Variants in ZFAT observed in about 807,000 individuals in gnomAD.
ZFAT encodes zinc finger protein ZFAT.
A neutral mutation model predicts 117.7 loss-of-function variants in ZFAT; 64 were observed. That is an observed-to-expected ratio of 0.54 (90% confidence interval 0.44 to 0.67). The LOEUF is 0.67. Ranked by LOEUF, ZFAT falls within the 30% of genes least tolerant of loss-of-function variation. The probability of loss-of-function intolerance (pLI) is 0.00; values close to 1 mark genes in which losing one functional copy is unlikely to be tolerated. For synonymous variants in ZFAT, 679 were observed against 615.0 expected (o/e 1.10, Z -1.54); for missense variants, 1,433 against 1,584.5 (o/e 0.90, Z 1.62).
upstream of ZFAT, among the ~76,000 whole-genome samples, chr8:134,714,778 G>A (rs532250656): frequency 2.0e-5 from 3 of 151,968 alleles, no homozygotes; most frequent in African/African-American, 7.3e-5. Context: ...GAAGAGCCAG[G>A]TGTGGATCTC....
At chr8:134,590,438 T>C in intron 7 of ZFAT, 83 bp from the exon 8 acceptor site, 1 of 1,088,672 alleles carries the variant, frequency 9.2e-7, no homozygotes, top group East Asian at 2.4e-5. Flanking sequence ...ATCACCATCA[T>C]CACCCACCAC....
rs1052491270 is a variant in ZFAT at position 134,601,721 on chromosome 8, A to G, written c.1998T>C (p.Gly666=). The G allele has an allele frequency of 1.2e-6, 2 of 1,612,972 alleles. No homozygotes were observed. Among genetic ancestry groups the G allele is most frequent in the Admixed American group, 3.3e-5 (2 of 59,976 alleles). Residue 666 remains glycine, a synonymous_variant, in exon 6 of 16, where the codon GGT becomes GGC. Coordinates refer to ENST00000377838, the MANE Select transcript of ZFAT (RefSeq NM_020863.4). ...TGAGACACCTGCTGGGATCTGGGTC[A>G]CCAGCTGAAAGCACAGCCATGTTCT... ...EGQNMAVLSA[G]DPDPSRCLRS...
At chr8:134,704,262 C>G (rs1018858342) in intron 1 of ZFAT, among the ~76,000 whole-genome samples, 1 of 152,192 alleles carries the variant, frequency 6.6e-6, no homozygotes, top group South Asian at 2.1e-4. Context: ...GAAACAAAAA[C>G]AGGCAGAATT....
intron 12 of ZFAT, among the ~76,000 whole-genome samples, chr8:134,526,432 G>C (rs1220069701): frequency 6.6e-6 from 1 of 152,188 alleles, no homozygotes; most frequent in Non-Finnish European, 1.5e-5. Context: ...GTCAACGGAA[G>C]ACTTGGTGAA....
intron 15 of ZFAT, among the ~76,000 whole-genome samples, chr8:134,508,041 T>C (rs905263960): frequency 3.3e-5 from 5 of 152,208 alleles, no homozygotes; most frequent in African/African-American, 4.8e-5. Context: ...CCAACGCAGA[T>C]ACCAGGTTGC....
chr8:134,637,099 C>T (rs1216212672), intron 3 of ZFAT, among the ~76,000 whole-genome samples: 1 of 152,256 alleles, frequency 6.6e-6, no homozygotes, highest in African/African-American at 2.4e-5. Context: ...CATCAGAATG[C>T]TTTCTCCTGC....
chr8:134,753,386 A>G, the ZFAT span, among the ~76,000 whole-genome samples: 2 of 152,166 alleles, frequency 1.3e-5, no homozygotes, highest in Non-Finnish European at 2.9e-5. Context: ...AAAAAGGTGA[A>G]TTATAACTTA....
At chr8:134,821,889 A>C in the ZFAT span, among the ~76,000 whole-genome samples, 1 of 152,156 alleles carries the variant, frequency 6.6e-6, no homozygotes, top group African/African-American at 2.4e-5. Context: ...TTCTTTTCTA[A>C]TTAAATAACA....
At chr8:134,512,368 T>C (rs1186093922) in intron 14 of ZFAT, 107 bp downstream of exon 14, 1 of 1,486,504 alleles carries the variant, frequency 6.7e-7, no homozygotes, top group Non-Finnish European at 9.1e-7. Context: ...GGGTCAGGGA[T>C]TCGGAAGTAG....
At chr8:134,534,775 A>AAAAGAGAG (rs1821707210) in intron 11 of ZFAT, among the ~76,000 whole-genome samples, 1 of 136,344 alleles carries the variant, frequency 7.3e-6, no homozygotes, top group Non-Finnish European at 1.5e-5. Flanking sequence ...GAGAGGGAGA[A>AAAAGAGAG]AGAGAGAGAG....
intron 1 of ZFAT, among the ~76,000 whole-genome samples, chr8:134,677,700 A>C (rs578138131): frequency 4.6e-5 from 7 of 152,236 alleles, no homozygotes; most frequent in African/African-American, 1.7e-4. Flanking sequence ...AAAATTCTCA[A>C]TAAAATACTG....
intron 4 of ZFAT, 35 bp from the exon 5 acceptor site, chr8:134,608,914 G>A (rs748363696): frequency 5.7e-6 from 9 of 1,586,444 alleles, no homozygotes; most frequent in Non-Finnish European, 7.7e-6. Flanking sequence ...CTTATTGAGA[G>A]GCATCGAAAG....
chr8:134,621,520 C>T (rs1829103554), intron 3 of ZFAT, among the ~76,000 whole-genome samples: 1 of 152,064 alleles, frequency 6.6e-6, no homozygotes, highest in South Asian at 2.1e-4. Flanking sequence ...TGTGCTCTTC[C>T]AGAAAACAAG....
At chr8:134,691,555 C>A (rs147565698) in intron 1 of ZFAT, among the ~76,000 whole-genome samples, 3 of 152,266 alleles carry the variant, frequency 2.0e-5, no homozygotes, top group Non-Finnish European at 4.4e-5. Context: ...TAAGCAAGCA[C>A]CTGCTCGCTG....
At chr8:134,549,689 C>T (rs989514921) in intron 11 of ZFAT, among the ~76,000 whole-genome samples, 1 of 152,178 alleles carries the variant, frequency 6.6e-6, no homozygotes, top group South Asian at 2.1e-4. Context: ...TGGTGGTTCT[C>T]GTAAGGAAAA....
At chr8:134,803,167 C>T in the ZFAT span, among the ~76,000 whole-genome samples, 2 of 152,048 alleles carry the variant, frequency 1.3e-5, no homozygotes, top group Admixed American at 6.6e-5. Context: ...AATGCCTACC[C>T]CCTCATTTAG....
chr8:134,534,768 AGG>A (rs1229857810), intron 11 of ZFAT, among the ~76,000 whole-genome samples: 182 of 83,600 alleles, frequency 2.2e-3, no homozygotes, highest in African/African-American at 7.7e-3. Flanking sequence ...AGAGGGAGAG[AGG>A]GAGAAAGAGA....
intron 2 of ZFAT, 127 bp from the exon 3 acceptor site, chr8:134,637,839 T>A: frequency 7.7e-7 from 1 of 1,290,836 alleles, no homozygotes; most frequent in Non-Finnish European, 1.0e-6. Flanking sequence ...TCTAAAGTGA[T>A]TCCAGACATT....
At chr8:134,624,153 C>T (rs1383062759) in intron 3 of ZFAT, among the ~76,000 whole-genome samples, 1 of 151,024 alleles carries the variant, frequency 6.6e-6, no homozygotes, top group Non-Finnish European at 1.5e-5. Context: ...TCTTCTCAGC[C>T]CCTAACGTGC....
Sources: gnomAD v4.1 joint callset for allele counts (sites outside exome capture counted in the v4.1 genomes callset) on GRCh38, gnomAD v4.1.1 for gene constraint, MANE v1.5 for transcripts, NCBI Gene and HGNC (gene_info 2026-07-23, HGNC 2026-07-21) for gene names.